Variants in DNER observed in about 807,000 individuals in gnomAD.
The protein encoded by DNER is delta and Notch-like epidermal growth factor-related receptor.
In DNER, 33 loss-of-function variants were observed where a neutral mutation model predicts 78.2. The observed-to-expected ratio is 0.42, with a 90% CI of 0.32 to 0.56. DNER has a LOEUF of 0.56. DNER is among the 20% of genes least tolerant of loss of function. The probability of loss-of-function intolerance (pLI) is 0.11; values close to 1 mark genes in which losing one functional copy is unlikely to be tolerated. For missense variants in DNER, 918 were observed against 975.3 expected (o/e 0.94, Z 0.78); for synonymous variants, 417 against 384.8 (o/e 1.08, Z -0.98).
chr2:229,512,157 T>A (rs1574878029), intron 6 of DNER, among the ~76,000 whole-genome samples: 1 of 152,156 alleles, frequency 6.6e-6, no homozygotes, highest in Admixed American at 6.5e-5. Flanking sequence ...TGGAGGCAGG[T>A]GGATCACCTG....
intron 4 of DNER, among the ~76,000 whole-genome samples, chr2:229,567,149 C>T (rs908582518): frequency 6.6e-5 from 10 of 152,368 alleles, no homozygotes; most frequent in African/African-American, 2.4e-4. Context: ...TAGTTAATAT[C>T]TCAGCCTAAT....
At chr2:229,698,439 C>T (rs903939245) in intron 1 of DNER, among the ~76,000 whole-genome samples, 5 of 152,126 alleles carry the variant, frequency 3.3e-5, no homozygotes, top group Admixed American at 2.6e-4. Context: ...CTTGACTTCG[C>T]CTAAATTCCC....
chr2:229,480,484 G>A (rs1435589474), intron 6 of DNER, among the ~76,000 whole-genome samples: 1 of 152,072 alleles, frequency 6.6e-6, no homozygotes, highest in Non-Finnish European at 1.5e-5. Context: ...AACCACAACT[G>A]TCTGATAATG....
At chr2:229,434,294 G>A (rs1694075675) in intron 8 of DNER, among the ~76,000 whole-genome samples, 1 of 152,156 alleles carries the variant, frequency 6.6e-6, no homozygotes, top group South Asian at 2.1e-4. Flanking sequence ...GAGTAAATAT[G>A]CTAAATCCTA....
intron 4 of DNER, among the ~76,000 whole-genome samples, chr2:229,577,917 C>T (rs1045009280): frequency 1.2e-4 from 19 of 152,114 alleles, no homozygotes; most frequent in Admixed American, 3.3e-4. Flanking sequence ...ATTTAAGTGT[C>T]CTGCCAACTA....
intron 12 of DNER, among the ~76,000 whole-genome samples, chr2:229,365,523 G>A (rs961439031): frequency 2.0e-5 from 3 of 152,118 alleles, no homozygotes; most frequent in African/African-American, 4.8e-5. Context: ...TGCAACCTCC[G>A]ATTCCCAGGT....
At chr2:229,363,092 G>C (rs1232985457) in intron 12 of DNER, among the ~76,000 whole-genome samples, 3 of 152,216 alleles carry the variant, frequency 2.0e-5, no homozygotes, top group Non-Finnish European at 2.9e-5. Flanking sequence ...CCCTGGCTTT[G>C]CTCCTGCTGG....
intron 1 of DNER, among the ~76,000 whole-genome samples, chr2:229,613,020 C>T (rs1185634480): frequency 6.6e-6 from 1 of 152,188 alleles, no homozygotes; most frequent in Non-Finnish European, 1.5e-5. Context: ...AATTCAATCG[C>T]ACTTGCATCC....
At position 229,428,342 on chromosome 2, in the gene DNER, A is replaced by G. The variant is rs1301784682; in HGVS notation, c.1487-10112T>C. On this transcript the variant is annotated intron_variant, in intron 8 of 12. Transcript: ENST00000341772. ...GGCCATGTGGAATATAAATGTCAAG[A>G]GCCATTTAAACAGTAAATAGAAATA... Among the ~76,000 whole-genome samples the G allele has an allele frequency of 2.0e-5, 3 of 152,142 alleles. No individual in the cohort carries two copies. In the East Asian group the frequency reaches 5.8e-4, roughly 29 times the overall value.
chr2:229,664,707 A>G (rs930637261), intron 1 of DNER, among the ~76,000 whole-genome samples: 1 of 152,164 alleles, frequency 6.6e-6, no homozygotes, highest in African/African-American at 2.4e-5. Flanking sequence ...CAGGGAGCTA[A>G]GACTTGACTC....
intron 1 of DNER, among the ~76,000 whole-genome samples, chr2:229,653,603 C>T (rs1698859445): frequency 6.6e-6 from 1 of 152,104 alleles, no homozygotes; most frequent in African/African-American, 2.4e-5. Context: ...TTCTCCTTTC[C>T]TGCCTGAGCA....
intron 6 of DNER, among the ~76,000 whole-genome samples, chr2:229,503,727 A>C (rs982678439): frequency 6.6e-6 from 1 of 152,130 alleles, no homozygotes; most frequent in Non-Finnish European, 1.5e-5. Context: ...TGAGTTATAC[A>C]TACTTTTTTG....
At chr2:229,688,502 G>A (rs1310442725) in intron 1 of DNER, among the ~76,000 whole-genome samples, 2 of 152,186 alleles carry the variant, frequency 1.3e-5, no homozygotes, top group Non-Finnish European at 2.9e-5. Context: ...GGGTTCCTGG[G>A]ATCCCACATC....
intron 1 of DNER, among the ~76,000 whole-genome samples, chr2:229,645,923 C>A (rs1473243919): frequency 6.6e-6 from 1 of 152,168 alleles, no homozygotes; most frequent in African/African-American, 2.4e-5. Flanking sequence ...CTGAGAGCCA[C>A]AGTTGGGAAA....
At chr2:229,480,272 T>A (rs965026110) in intron 6 of DNER, among the ~76,000 whole-genome samples, 1 of 152,236 alleles carries the variant, frequency 6.6e-6, no homozygotes, top group Non-Finnish European at 1.5e-5. Context: ...CTTCGTATTT[T>A]CCTAGGTTCC....
At chr2:229,387,512 A>AG in intron 11 of DNER, among the ~76,000 whole-genome samples, 3 of 41,542 alleles carry the variant, frequency 7.2e-5, no homozygotes, top group African/African-American at 3.1e-4. Context: ...AGAAAGAGAG[A>AG]AAGAAAGAAA....
At chr2:229,427,296 T>C (rs1243409966) in intron 8 of DNER, among the ~76,000 whole-genome samples, 2 of 152,242 alleles carry the variant, frequency 1.3e-5, no homozygotes, top group African/African-American at 4.8e-5. Flanking sequence ...GCTCTCTGGC[T>C]TTAATAGCCA....
At chr2:229,413,567 G>T (rs371374996) in intron 9 of DNER, among the ~76,000 whole-genome samples, 2 of 150,804 alleles carry the variant, frequency 1.3e-5, no homozygotes, top group East Asian at 3.9e-4. Flanking sequence ...ATTATCTGCC[G>T]GCCTCAGCCT....
At chr2:229,546,146 T>A (rs768033950) in intron 5 of DNER, among the ~76,000 whole-genome samples, 8 of 152,230 alleles carry the variant, frequency 5.3e-5, no homozygotes, top group Non-Finnish European at 1.0e-4. Context: ...TACTGGCATA[T>A]AATTGAAGCT....
Sources: gnomAD v4.1 joint callset for allele counts (sites outside exome capture counted in the v4.1 genomes callset) on GRCh38, gnomAD v4.1.1 for gene constraint, MANE v1.5 for transcripts, NCBI Gene and HGNC (gene_info 2026-07-23, HGNC 2026-07-21) for gene names.